ATAD2: variants seen among roughly 807,000 people sequenced by gnomAD.
ATAD2 encodes ATPase family AAA domain-containing protein 2.
Under a neutral mutation model 168.9 loss-of-function variants are expected in ATAD2, and 62 were observed. The observed-to-expected ratio is 0.37, with a 90% CI of 0.30 to 0.45. The LOEUF (loss-of-function observed/expected upper bound fraction) is 0.45, where lower values mean the gene tolerates loss of function less well. Ranked by LOEUF, ATAD2 falls within the 20% of genes least tolerant of loss-of-function variation. ATAD2 has a pLI of 1.00. For missense variants in ATAD2, 1,419 were observed against 1,667.8 expected, an observed-to-expected ratio of 0.85 and a Z score of 2.60; for synonymous variants, 613 against 571.6, an observed-to-expected ratio of 1.07 and a Z score of -1.03.
At chr8:123,408,620 T>C (rs892348097) in intron 1 of ATAD2, among the ~76,000 whole-genome samples, 1 of 152,052 alleles carries the variant, frequency 6.6e-6, no homozygotes, top group Non-Finnish European at 1.5e-5. Flanking sequence ...GGGTTCAAGC[T>C]ATTCTCCTGC....
chr8:123,371,944 A>C, intron 3 of ATAD2, 109 bp from the exon 4 acceptor site: 1 of 1,120,508 alleles, frequency 8.9e-7, no homozygotes, highest in South Asian at 2.0e-5. Flanking sequence ...TAACAAAATT[A>C]CAGTATCTTA....
At chr8:123,340,001 T>C (rs980317827) in intron 19 of ATAD2, among the ~76,000 whole-genome samples, 11 of 152,080 alleles carry the variant, frequency 7.2e-5, no homozygotes, top group African/African-American at 2.2e-4. Flanking sequence ...GCAATCCTCT[T>C]ATCTCAGCCT....
At chr8:123,395,452 G>A (rs1322975301) in intron 1 of ATAD2, among the ~76,000 whole-genome samples, 1 of 152,176 alleles carries the variant, frequency 6.6e-6, no homozygotes, top group African/African-American at 2.4e-5. Flanking sequence ...GACACTGCTT[G>A]TAACTGCAGC....
intron 1 of ATAD2, among the ~76,000 whole-genome samples, chr8:123,409,704 G>A (rs1813124032): frequency 1.3e-5 from 2 of 151,706 alleles, no homozygotes; most frequent in African/African-American, 2.4e-5. Context: ...ACAGGGGCTC[G>A]CGTCTGTAAT....
rs766321394 is a variant in ATAD2 at position 123,383,773 on chromosome 8, CA to C, written c.172-3097del. ...GGGCAATAAGAGCAAAATTCAGTCT[CA>C]AAAAAAAAAAAAGAAACTGAATGAC... is the stretch of plus-strand genomic sequence containing the variant. On this transcript the variant is annotated intron_variant, in intron 1 of 27. Coordinates refer to ENST00000287394, the MANE Select transcript of ATAD2 (RefSeq NM_014109.4). Among the ~76,000 whole-genome samples the C allele has an allele frequency of 1.6e-3, 210 of 130,724 alleles. 1 individual carries two copies. The highest frequency in any genetic ancestry group is 1.8e-3 in the Admixed American group (24 of 12,976). 85.8% of individuals were successfully genotyped at this position (130,724 alleles called of 152,430 possible). A position where few individuals can be genotyped will look rare whatever the true frequency, so the allele number is the denominator to read the frequency against.
At chr8:123,407,987 G>A (rs1813090530) in intron 1 of ATAD2, among the ~76,000 whole-genome samples, 1 of 152,190 alleles carries the variant, frequency 6.6e-6, no homozygotes, top group Non-Finnish European at 1.5e-5. Flanking sequence ...ACCTCATTTG[G>A]GATGAGGTCA....
intron 1 of ATAD2, among the ~76,000 whole-genome samples, chr8:123,403,603 G>A (rs1469578618): frequency 2.6e-5 from 4 of 151,700 alleles, no homozygotes; most frequent in Non-Finnish European, 4.4e-5. Flanking sequence ...CGCCAGGATG[G>A]GAGTTTGGTT....
chr8:123,331,833 T>G (rs184893159), intron 24 of ATAD2, among the ~76,000 whole-genome samples: 524 of 152,310 alleles, frequency 3.4e-3, no homozygotes, highest in Non-Finnish European at 5.9e-3. Flanking sequence ...ACAGGCCAAC[T>G]GCTCACCGCA....
intron 24 of ATAD2, 137 bp from the exon 25 acceptor site, chr8:123,328,716 G>C (rs1827683974): frequency 1.1e-6 from 1 of 900,776 alleles, no homozygotes; most frequent in Non-Finnish European, 1.5e-6. Context: ...ACAGAAACAA[G>C]AATAGAGCAT....
intron 8 of ATAD2, 27 bp from the exon 9 acceptor site, chr8:123,361,673 A>G (rs779287484): frequency 1.3e-6 from 2 of 1,561,718 alleles, no homozygotes; most frequent in South Asian, 2.2e-5. Context: ...AATTGAAATC[A>G]TGATAAGGAA....
rs1206086809 is a variant in ATAD2, at chr8:123,345,049, T to A, written c.2553A>T (p.Arg851Ser). 1 of 1,608,964 alleles carries A rather than the reference T, an allele frequency of 6.2e-7. No homozygotes were observed. Among genetic ancestry groups the A allele is most frequent in the Non-Finnish European group, 8.5e-7 (1 of 1,176,086 alleles). The change falls in exon 19 of 28, where the codon AGA becomes AGT. Residue 851 changes from arginine (R) to serine (S), a missense_variant. Coordinates refer to ENST00000287394, the MANE Select transcript of ATAD2 (RefSeq NM_014109.4). ...TCAQVIREAK[R>S]TAPSIVYVPH... ...GAACATACACTATACTTGGTGCTGT[T>A]CTCTTAGCTTCACGAATCACCTAGT...
At position 123,328,280 on chromosome 8, in the gene ATAD2, C is replaced by CTG; in HGVS notation, c.3776_3777dup (p.Ala1260GlnfsTer6). ...ATCTTGTCTCTCAATTCTGTACATG[C>CTG]TGTAGTCTTCCTAGAGTCTTCAAGC... On this transcript the variant is annotated frameshift_variant, in exon 25 of 28. Coordinates refer to ENST00000287394, the MANE Select transcript of ATAD2 (RefSeq NM_014109.4). LOFTEE classifies it high-confidence loss of function. The CTG allele has an allele frequency of 6.3e-7, 1 of 1,590,482 alleles. No individual in the cohort carries two copies. The highest frequency in any genetic ancestry group is 8.5e-7 in the Non-Finnish European group (1 of 1,170,698).
intron 8 of ATAD2, among the ~76,000 whole-genome samples, chr8:123,364,021 C>G (rs985225362): frequency 6.6e-6 from 1 of 152,108 alleles, no homozygotes; most frequent in Non-Finnish European, 1.5e-5. Context: ...ATAACACAAC[C>G]TGTGGACCAA....
chr8:123,351,186 G>C (rs947802526), intron 13 of ATAD2, among the ~76,000 whole-genome samples: 1 of 152,114 alleles, frequency 6.6e-6, no homozygotes, highest in East Asian at 1.9e-4. Context: ...TTTCGGTCAG[G>C]TGTTAACAGC....
chr8:123,352,296 G>A (rs1230143924), intron 13 of ATAD2: 1 of 152,510 alleles, frequency 6.6e-6, no homozygotes, highest in Non-Finnish European at 1.5e-5. Flanking sequence ...ACTCAACCTG[G>A]GAGCTGGGAG....
chr8:123,405,437 T>A (rs1813056331), intron 1 of ATAD2, among the ~76,000 whole-genome samples: 1 of 151,246 alleles, frequency 6.6e-6, no homozygotes, highest in Admixed American at 6.6e-5. Flanking sequence ...TTTTTCTTTG[T>A]ATTTTTAGTA....
rs180722851 is a variant in ATAD2, at chr8:123,338,437, T to G, written c.2855-616A>C. On this transcript the variant is annotated intron_variant, in intron 20 of 27. Coordinates refer to ENST00000287394, the MANE Select transcript of ATAD2 (RefSeq NM_014109.4). Reference sequence around the variant, plus strand: ...TTCCAGGACAAAAATATTCTAACTATAAAAAAGCCTTCTTTACTAGTTTTG... The same window carrying G: ...TTCCAGGACAAAAATATTCTAACTAGAAAAAAGCCTTCTTTACTAGTTTTG... Among the ~76,000 whole-genome samples the G allele has an allele frequency of 1.7e-3, 255 of 152,190 alleles. 1 individual carries two copies. The highest frequency in any genetic ancestry group is 5.9e-3 in the African/African-American group (247 of 41,530).
intron 1 of ATAD2, among the ~76,000 whole-genome samples, chr8:123,408,288 C>A (rs996621375): frequency 6.6e-6 from 1 of 152,194 alleles, no homozygotes; most frequent in Non-Finnish European, 1.5e-5. Flanking sequence ...GGCCCAGCCT[C>A]CTTCTGTGGA....
chr8:123,329,101 TATCTTGAATACTTTTA>T (rs920121131), intron 24 of ATAD2, among the ~76,000 whole-genome samples: 7 of 152,036 alleles, frequency 4.6e-5, no homozygotes, highest in South Asian at 2.1e-4. Context: ...GCACCCGGCC[TATCTTGAATACTTTTA>T]ATCTTGAATA....
Sources: allele counts gnomAD v4.1 joint callset (sites outside exome capture counted in the v4.1 genomes callset), GRCh38; gene constraint gnomAD v4.1.1; transcripts MANE v1.5; gene names NCBI Gene and HGNC (gene_info 2026-07-23, HGNC 2026-07-21).